Variants in AGBL1 observed in about 807,000 individuals in gnomAD.
The protein encoded by AGBL1 is cytosolic carboxypeptidase 4.
Under a neutral mutation model 118.9 loss-of-function variants are expected in AGBL1, and 130 were observed. The ratio of observed to expected loss-of-function variants is 1.09; its 90% CI spans 0.95 to 1.26. The LOEUF (loss-of-function observed/expected upper bound fraction) is 1.26, where lower values mean the gene tolerates loss of function less well. Ranked by LOEUF, AGBL1 falls within the 50% of genes most tolerant of loss-of-function variation. AGBL1 has a pLI of 0.00. For synonymous variants in AGBL1, 555 were observed against 478.9 expected (o/e 1.16, Z -2.08); for missense variants, 1,584 against 1,298.1 (o/e 1.22, Z -3.38).
At chr15:86,131,436 T>C (rs763542289) in intron 1 of AGBL1, among the ~76,000 whole-genome samples, 2 of 152,196 alleles carry the variant, frequency 1.3e-5, no homozygotes, top group African/African-American at 4.8e-5. Flanking sequence ...TATTTTACAA[T>C]GTCCTATTTT....
At chr15:86,437,195 G>GAATA (rs2082010218) in intron 18 of AGBL1, among the ~76,000 whole-genome samples, 1 of 152,126 alleles carries the variant, frequency 6.6e-6, no homozygotes, top group Non-Finnish European at 1.5e-5. Flanking sequence ...GAAAGACTGA[G>GAATA]AATAAATATT....
chr15:87,013,327 A>G (rs1449989044), intron 24 of AGBL1, among the ~76,000 whole-genome samples: 3 of 152,068 alleles, frequency 2.0e-5, no homozygotes, highest in Admixed American at 6.6e-5. Flanking sequence ...TTTTCAGTGA[A>G]TTTTCCATTG....
At chr15:86,617,463 G>C (rs1228963705) in intron 21 of AGBL1, among the ~76,000 whole-genome samples, 1 of 152,042 alleles carries the variant, frequency 6.6e-6, no homozygotes, top group Non-Finnish European at 1.5e-5. Flanking sequence ...ACAGAATTGA[G>C]CATGAAATTC....
chr15:86,726,564 A>G (rs1190603015), intron 22 of AGBL1, among the ~76,000 whole-genome samples: 1 of 152,022 alleles, frequency 6.6e-6, no homozygotes, highest in Non-Finnish European at 1.5e-5. Context: ...GGTACTATGT[A>G]TTATTATTAT....
intron 19 of AGBL1, among the ~76,000 whole-genome samples, chr15:86,533,710 C>G (rs933106384): frequency 5.8e-5 from 7 of 120,794 alleles, no homozygotes; most frequent in African/African-American, 2.1e-4. Flanking sequence ...TTGGAACCAA[C>G]CCAAATGTCC....
At chr15:86,724,733 T>G (rs2086793656) in intron 22 of AGBL1, among the ~76,000 whole-genome samples, 1 of 152,166 alleles carries the variant, frequency 6.6e-6, no homozygotes. Flanking sequence ...GGATCCCTCA[T>G]GAATGGCTTG....
At chr15:86,788,230 A>G (rs1320567207) in intron 22 of AGBL1, among the ~76,000 whole-genome samples, 2 of 152,208 alleles carry the variant, frequency 1.3e-5, no homozygotes. Flanking sequence ...GAGCTTGAGC[A>G]GACCTATTAC....
intron 22 of AGBL1, among the ~76,000 whole-genome samples, chr15:86,697,336 A>G (rs1256406777): frequency 1.3e-5 from 2 of 151,714 alleles, no homozygotes; most frequent in Non-Finnish European, 2.9e-5. Context: ...TATTTCAAAA[A>G]CCTTGTCTTC....
At chr15:86,530,604 C>T (rs1358159473) in intron 19 of AGBL1, among the ~76,000 whole-genome samples, 16 of 150,964 alleles carry the variant, frequency 1.1e-4, no homozygotes, top group Admixed American at 2.6e-4. Context: ...CTGCACCAAG[C>T]GGACTTAATA....
intron 22 of AGBL1, among the ~76,000 whole-genome samples, chr15:86,744,771 A>G (rs1319880545): frequency 3.3e-5 from 5 of 152,146 alleles, no homozygotes; most frequent in Non-Finnish European, 5.9e-5. Flanking sequence ...GTTATTTTCT[A>G]TCAGTTGAGT....
At chr15:86,516,942 G>T (rs775304772) in intron 18 of AGBL1, among the ~76,000 whole-genome samples, 1 of 152,152 alleles carries the variant, frequency 6.6e-6, no homozygotes, top group East Asian at 1.9e-4. Context: ...TGTCCTGGTC[G>T]TGTGATCTTT....
intron 3 of AGBL1, among the ~76,000 whole-genome samples, chr15:86,150,948 TA>T (rs2077099524): frequency 1.3e-5 from 2 of 152,116 alleles, no homozygotes; most frequent in African/African-American, 4.8e-5. Flanking sequence ...ATGTGGCACA[TA>T]TACACCATGG....
intron 18 of AGBL1, among the ~76,000 whole-genome samples, chr15:86,413,882 C>G (rs1342512873): frequency 6.6e-6 from 1 of 151,872 alleles, no homozygotes; most frequent in Non-Finnish European, 1.5e-5. Flanking sequence ...GTTTAATTTT[C>G]CCATTTACAA....
At chr15:86,833,642 C>T (rs1366923001) in intron 22 of AGBL1, among the ~76,000 whole-genome samples, 2 of 152,086 alleles carry the variant, frequency 1.3e-5, no homozygotes, top group South Asian at 2.1e-4. Context: ...TACAGTACTC[C>T]ATCACCACAT....
At chr15:86,368,968 A>C (rs1274238809) in intron 17 of AGBL1, among the ~76,000 whole-genome samples, 1 of 152,212 alleles carries the variant, frequency 6.6e-6, no homozygotes, top group Admixed American at 6.5e-5. Flanking sequence ...TGACTTTCAA[A>C]GAGACAACAG....
At chr15:86,815,921 G>A (rs1489653547) in intron 22 of AGBL1, among the ~76,000 whole-genome samples, 2 of 152,156 alleles carry the variant, frequency 1.3e-5, no homozygotes, top group Non-Finnish European at 2.9e-5. Flanking sequence ...AGGAAACGGT[G>A]GGGAAGCATA....
chr15:86,270,181 GT>G (rs1347585638), intron 14 of AGBL1, 114 bp downstream of exon 14: 1 of 1,393,736 alleles, frequency 7.2e-7, no homozygotes, highest in Non-Finnish European at 9.5e-7. Flanking sequence ...GTTGGGCAGA[GT>G]TTTGGGTTGC....
intron 23 of AGBL1, among the ~76,000 whole-genome samples, chr15:86,943,800 C>T (rs1363643609): frequency 6.6e-6 from 1 of 152,134 alleles, no homozygotes; most frequent in Non-Finnish European, 1.5e-5. Context: ...ATTTTTCAGG[C>T]TGCTTTTTAT....
chr15:86,964,507 G>A (rs751014077), intron 23 of AGBL1, among the ~76,000 whole-genome samples: 3 of 151,908 alleles, frequency 2.0e-5, no homozygotes, highest in Non-Finnish European at 4.4e-5. Context: ...TAGTAGGTCC[G>A]TAGGATCCTT....
Sources: allele counts gnomAD v4.1 joint callset (sites outside exome capture counted in the v4.1 genomes callset), GRCh38; gene constraint gnomAD v4.1.1; transcripts MANE v1.5; gene names NCBI Gene and HGNC (gene_info 2026-07-23, HGNC 2026-07-21).